CDC123: variants seen among roughly 807,000 people sequenced by gnomAD.
CDC123 encodes the protein translation initiation factor eIF2 assembly protein.
Under a neutral mutation model 54.4 loss-of-function variants are expected in CDC123, and 37 were observed. The observed-to-expected ratio is 0.68, with a 90% CI of 0.52 to 0.89. The LOEUF is 0.89. CDC123 is among the 40% of genes least tolerant of loss of function. The pLI, the probability that CDC123 is intolerant of heterozygous loss-of-function variation, is 0.00. For synonymous variants in CDC123, 144 were observed against 136.8 expected (o/e 1.05, Z -0.37); for missense variants, 361 against 412.1 (o/e 0.88, Z 1.07).
chr10:12,236,784 C>T (rs1489212061), intron 8 of CDC123, among the ~76,000 whole-genome samples: 1 of 151,912 alleles, frequency 6.6e-6, no homozygotes, highest in Non-Finnish European at 1.5e-5. Flanking sequence ...ATCCTTGCTA[C>T]TTGGGAGGCT....
rs544762764 is a variant in CDC123, at chr10:12,214,480, T to A, written c.238-1260T>A. On this transcript the variant is annotated intron_variant, in intron 4 of 12. Coordinates refer to ENST00000281141, the MANE Select transcript of CDC123 (RefSeq NM_006023.3). Reference sequence around the variant, plus strand: ...TCTAAATTACTCTAGTCTCATTTCATGTATCTAAGCTGAAGTCGTCTAGTG... The same window carrying A: ...TCTAAATTACTCTAGTCTCATTTCAAGTATCTAAGCTGAAGTCGTCTAGTG... Among the ~76,000 whole-genome samples, 13 of 152,360 alleles carry A rather than the reference T, an allele frequency of 8.5e-5. No homozygotes were observed. In the South Asian group the frequency reaches 1.9e-3, roughly 22 times the overall value.
At chr10:12,243,118 G>C (rs529014612) in intron 10 of CDC123, among the ~76,000 whole-genome samples, 7 of 120,002 alleles carry the variant, frequency 5.8e-5, no homozygotes, top group African/African-American at 1.8e-4. Flanking sequence ...TGTGTTTTGG[G>C]CTGGGTACAG....
At position 12,217,358 on chromosome 10, in the gene CDC123, T is replaced by A. The variant is rs759468196; in HGVS notation, c.334-3T>A. 8.1e-6 allele frequency: 13 copies of A among 1,610,626 alleles called. No individual in the cohort carries two copies. Among genetic ancestry groups the A allele is most frequent in the Non-Finnish European group, 1.0e-5 (12 of 1,177,918 alleles). On this transcript the variant is annotated splice_region_variant and splice_polypyrimidine_tract_variant and intron_variant, in intron 5 of 12. Transcript: ENST00000281141. ...ACTAAATAGCATGTGCTTCATTCTT[T>A]AGGATGCGTATTGGATAGCAATGAA...
intron 4 of CDC123, 57 bp downstream of exon 4, chr10:12,210,379 G>A (rs1376354468): frequency 2.5e-6 from 4 of 1,604,702 alleles, no homozygotes; most frequent in Non-Finnish European, 3.4e-6. Flanking sequence ...ACAAGGGTTA[G>A]CGTCAAGGTT....
intron 2 of CDC123, among the ~76,000 whole-genome samples, chr10:12,203,602 A>G (rs938991): frequency 0.83 from 125,715 of 152,038 alleles, 52,142 homozygotes; most frequent in Non-Finnish European, 0.86. Context: ...TGCTTTTCTG[A>G]TAGAGACAGT....
chr10:12,205,209 A>G (rs1319108583), intron 2 of CDC123, among the ~76,000 whole-genome samples: 1 of 152,066 alleles, frequency 6.6e-6, no homozygotes, highest in East Asian at 1.9e-4. Context: ...CACTTAACAT[A>G]ATGATCTCCA....
intron 1 of CDC123, among the ~76,000 whole-genome samples, chr10:12,197,579 G>T (rs1050032760): frequency 6.6e-6 from 1 of 151,650 alleles, no homozygotes; most frequent in Non-Finnish European, 1.5e-5. Context: ...GGTTTTCACC[G>T]TGTTAGCCAG....
chr10:12,236,846 G>A (rs963792323), intron 8 of CDC123, among the ~76,000 whole-genome samples: 3 of 152,108 alleles, frequency 2.0e-5, no homozygotes, highest in Non-Finnish European at 4.4e-5. Flanking sequence ...AGCCGAGATC[G>A]TGCCACTGCA....
At chr10:12,216,578 C>A (rs1388866150) in intron 5 of CDC123, among the ~76,000 whole-genome samples, 1 of 152,078 alleles carries the variant, frequency 6.6e-6, no homozygotes, top group Non-Finnish European at 1.5e-5. Context: ...GGTCTTGACA[C>A]CTATTTTACT....
In CDC123 at chr10:12,198,689, G is replaced by A; in HGVS notation, c.75-16G>A. The A allele has an allele frequency of 6.8e-7, 1 of 1,460,094 alleles. No homozygotes were observed. Among genetic ancestry groups the A allele is most frequent in the Non-Finnish European group, 9.5e-7 (1 of 1,054,994 alleles). The allele number at this position is 1,460,094 out of a possible 1,614,324, so 90.4% of individuals were successfully genotyped here. A position where few individuals can be genotyped will look rare whatever the true frequency, so the allele number is the denominator to read the frequency against. ...GGTCTTTTAAAATGATGCCTTTTTTGGTGTTTTTTTTTTAGTGTCATTCTT... is the reference window on the plus strand; with the variant it reads ...GGTCTTTTAAAATGATGCCTTTTTTAGTGTTTTTTTTTTAGTGTCATTCTT... On this transcript the variant is annotated splice_polypyrimidine_tract_variant and intron_variant, in intron 1 of 12. Transcript: ENST00000281141.
intron 1 of CDC123, 132 bp downstream of exon 1, chr10:12,196,451 A>G (rs1259670124): frequency 1.6e-6 from 2 of 1,214,664 alleles, no homozygotes; most frequent in African/African-American, 1.5e-5. Flanking sequence ...AGAGGGAAGT[A>G]CATCAGCAAT....
chr10:12,233,142 C>CA (rs1330060003), intron 7 of CDC123, among the ~76,000 whole-genome samples: 2 of 152,104 alleles, frequency 1.3e-5, no homozygotes, highest in African/African-American at 4.8e-5. Context: ...TTTTGAAAGA[C>CA]ACCATTATCA....
At chr10:12,232,268 A>G (rs919375785) in intron 7 of CDC123, among the ~76,000 whole-genome samples, 2 of 152,122 alleles carry the variant, frequency 1.3e-5, no homozygotes, top group African/African-American at 4.8e-5. Flanking sequence ...GAGGATGGCC[A>G]TCTTTGCTCC....
chr10:12,210,935 A>G (rs1252260924), intron 4 of CDC123, among the ~76,000 whole-genome samples: 1 of 152,122 alleles, frequency 6.6e-6, no homozygotes, highest in Non-Finnish European at 1.5e-5. Flanking sequence ...TCCTGACCTC[A>G]TGTGATAACA....
intron 7 of CDC123, among the ~76,000 whole-genome samples, chr10:12,233,925 T>C (rs1835940493): frequency 6.6e-6 from 1 of 151,962 alleles, no homozygotes; most frequent in Admixed American, 6.6e-5. Context: ...CATTTGTGAT[T>C]TAGGCCAAGG....
At chr10:12,222,166 C>G (rs1835745730) in intron 6 of CDC123, among the ~76,000 whole-genome samples, 1 of 152,230 alleles carries the variant, frequency 6.6e-6, no homozygotes. Context: ...AGCATCTGAA[C>G]AATCCAGGTT....
intron 10 of CDC123, among the ~76,000 whole-genome samples, chr10:12,242,973 A>G (rs1332520184): frequency 6.6e-6 from 1 of 151,746 alleles, no homozygotes; most frequent in Non-Finnish European, 1.5e-5. Context: ...CCTGATCCTG[A>G]TCCTCCTAGT....
intron 7 of CDC123, among the ~76,000 whole-genome samples, chr10:12,233,737 T>G (rs1405367693): frequency 6.6e-6 from 1 of 152,118 alleles, no homozygotes; most frequent in African/African-American, 2.4e-5. Context: ...GACTAAGAGC[T>G]TATAATAAAT....
At chr10:12,250,219 C>A in intron 12 of CDC123, 92 bp from the exon 13 acceptor site, 2 of 716,804 alleles carry the variant, frequency 2.8e-6, no homozygotes, top group South Asian at 2.3e-5. Context: ...TTAATTACAT[C>A]CTTTGCCAAG....
Sources: gnomAD v4.1 joint callset for allele counts (sites outside exome capture counted in the v4.1 genomes callset) on GRCh38, gnomAD v4.1.1 for gene constraint, MANE v1.5 for transcripts, NCBI Gene and HGNC (gene_info 2026-07-23, HGNC 2026-07-21) for gene names.